The following CDK14 variants were observed in gnomAD, a reference collection of about 807,000 sequenced individuals.
CDK14 encodes the protein cyclin-dependent kinase 14.
CDK14 carries 34 observed loss-of-function variants against 60.7 expected under a neutral mutation model. The observed-to-expected ratio is 0.56, with a 90% CI of 0.43 to 0.75. The LOEUF (loss-of-function observed/expected upper bound fraction) is 0.75. CDK14 is among the 30% of genes least tolerant of loss of function. The pLI, the probability that CDK14 is intolerant of heterozygous loss-of-function variation, is 0.00. For synonymous variants in CDK14, 197 were observed against 203.7 expected, an observed-to-expected ratio of 0.97 and a Z score of 0.28; for missense variants, 482 against 564.1, an observed-to-expected ratio of 0.85 and a Z score of 1.47.
chr7:91,152,956 G>A (rs556414876), intron 14 of CDK14, among the ~76,000 whole-genome samples: 1 of 152,318 alleles, frequency 6.6e-6, no homozygotes, highest in East Asian at 1.9e-4. Context: ...ATAGTTTATA[G>A]TATAAATAAG....
chr7:90,831,556 G>A (rs1274269962), intron 5 of CDK14, among the ~76,000 whole-genome samples: 2 of 152,116 alleles, frequency 1.3e-5, no homozygotes, highest in Non-Finnish European at 2.9e-5. Flanking sequence ...GGCTCTTTCA[G>A]CCCCTGTATC....
At chr7:91,171,447 T>C (rs1001979172) in intron 14 of CDK14, among the ~76,000 whole-genome samples, 2 of 152,194 alleles carry the variant, frequency 1.3e-5, no homozygotes, top group African/African-American at 4.8e-5. Context: ...AACTAAAAGA[T>C]GCTTTTATTA....
chr7:90,700,160 C>A (rs1296663830), intron 2 of CDK14, among the ~76,000 whole-genome samples: 2 of 152,122 alleles, frequency 1.3e-5, no homozygotes, highest in African/African-American at 4.8e-5. Context: ...GTGGTGTGAT[C>A]TTGGCTCACT....
chr7:90,849,120 C>T (rs933918453), intron 5 of CDK14, among the ~76,000 whole-genome samples: 5 of 152,044 alleles, frequency 3.3e-5, no homozygotes, highest in African/African-American at 7.2e-5. Flanking sequence ...GTGTTTGGGT[C>T]GTGGGGGCGG....
At chr7:91,079,367 T>G in intron 11 of CDK14, 65 bp from the exon 12 acceptor site, 1 of 1,127,602 alleles carries the variant, frequency 8.9e-7, no homozygotes. Context: ...TGAAGTTTTT[T>G]CAACATACTT....
At chr7:91,037,644 A>G (rs1189830380) in intron 10 of CDK14, among the ~76,000 whole-genome samples, 1 of 152,090 alleles carries the variant, frequency 6.6e-6, no homozygotes, top group East Asian at 1.9e-4. Flanking sequence ...CAGCTGCCCC[A>G]CTTTCTAGCT....
chr7:91,090,275 TTATGAG>T (rs1420473988), intron 12 of CDK14, among the ~76,000 whole-genome samples: 1 of 152,132 alleles, frequency 6.6e-6, no homozygotes, highest in Non-Finnish European at 1.5e-5. Flanking sequence ...CACTATTCCT[TTATGAG>T]AATGTAGAAA....
intron 12 of CDK14, among the ~76,000 whole-genome samples, chr7:91,106,990 A>G (rs1205859346): frequency 6.6e-6 from 1 of 152,218 alleles, no homozygotes; most frequent in East Asian, 1.9e-4. Context: ...AGAGGGGTTA[A>G]CTAGGACACA....
At chr7:90,879,171 C>T (rs150632939) in intron 6 of CDK14, among the ~76,000 whole-genome samples, 30 of 152,214 alleles carry the variant, frequency 2.0e-4, no homozygotes, top group African/African-American at 6.7e-4. Flanking sequence ...CAGAGAGAGC[C>T]GATGCTACCA....
At chr7:90,728,291 GTTTA>G (rs1802714439) in intron 3 of CDK14, among the ~76,000 whole-genome samples, 1 of 151,608 alleles carries the variant, frequency 6.6e-6, no homozygotes, top group African/African-American at 2.4e-5. Flanking sequence ...TTTCTTATAT[GTTTA>G]TTTAATTTTT....
intron 5 of CDK14, among the ~76,000 whole-genome samples, chr7:90,826,936 T>G (rs1789745526): frequency 6.8e-6 from 1 of 147,220 alleles, no homozygotes; most frequent in African/African-American, 2.5e-5. Flanking sequence ...TGTTGTATAG[T>G]TCTTTGGGTT....
At chr7:90,721,192 T>C (rs1229272953) in intron 2 of CDK14, among the ~76,000 whole-genome samples, 1 of 152,154 alleles carries the variant, frequency 6.6e-6, no homozygotes, top group Non-Finnish European at 1.5e-5. Context: ...TCTACACTCA[T>C]GCTGCTTGGA....
chr7:90,663,080 T>C (rs1800894928), intron 2 of CDK14, among the ~76,000 whole-genome samples: 1 of 130,836 alleles, frequency 7.6e-6, no homozygotes. Context: ...TTGGGGTGAT[T>C]GGAACTAAGA....
chr7:91,086,691 C>T (rs1205097205), intron 12 of CDK14, among the ~76,000 whole-genome samples: 3 of 150,992 alleles, frequency 2.0e-5, no homozygotes, highest in Non-Finnish European at 4.4e-5. Context: ...GTGTATATAT[C>T]TTAATTCTTA....
intron 8 of CDK14, among the ~76,000 whole-genome samples, chr7:90,937,472 G>T (rs183750146): frequency 6.6e-6 from 1 of 152,078 alleles, no homozygotes; most frequent in Non-Finnish European, 1.5e-5. Context: ...AAGTATCCTG[G>T]TTTCCTATAG....
intron 9 of CDK14, among the ~76,000 whole-genome samples, chr7:90,957,443 C>G (rs62468478): frequency 0.12 from 17,759 of 152,022 alleles, 1,122 homozygotes; most frequent in Middle Eastern, 0.16. Flanking sequence ...GATTATATAT[C>G]TAGAAAACCC....
intron 14 of CDK14, among the ~76,000 whole-genome samples, chr7:91,130,496 GCTCTATT>G (rs751656870): frequency 6.6e-6 from 1 of 152,086 alleles, no homozygotes; most frequent in Non-Finnish European, 1.5e-5. Flanking sequence ...GAGAAACACT[GCTCTATT>G]TCACAAGTGT....
chr7:90,756,448 G>A (rs577542246), intron 4 of CDK14, among the ~76,000 whole-genome samples: 2 of 152,292 alleles, frequency 1.3e-5, no homozygotes, highest in Admixed American at 6.5e-5. Flanking sequence ...TGTTCTGGAC[G>A]GTTAATAGTT....
chr7:91,182,460 G>A (rs1802034624), intron 14 of CDK14, among the ~76,000 whole-genome samples: 1 of 151,394 alleles, frequency 6.6e-6, no homozygotes. Flanking sequence ...GATAAAATAA[G>A]GTTTATTCAA....
Sources: allele counts gnomAD v4.1 joint callset (sites outside exome capture counted in the v4.1 genomes callset), GRCh38; gene constraint gnomAD v4.1.1; transcripts MANE v1.5; gene names NCBI Gene and HGNC (gene_info 2026-07-23, HGNC 2026-07-21).